MGAT4C: variants seen among roughly 807,000 people sequenced by gnomAD.
The protein encoded by MGAT4C is alpha-1,3-mannosyl-glycoprotein 4-beta-N-acetylglucosaminyltransferase C.
A neutral mutation model predicts 40.1 loss-of-function variants in MGAT4C; 19 were observed. That is an observed-to-expected ratio of 0.47 (90% CI 0.33 to 0.70). The LOEUF (loss-of-function observed/expected upper bound fraction) is 0.70, where lower values mean the gene tolerates loss of function less well. Ranked by LOEUF, MGAT4C falls within the 30% of genes least tolerant of loss-of-function variation. The pLI is 0.02. For missense variants in MGAT4C, 491 were observed against 563.2 expected (o/e 0.87, Z 1.30); for synonymous variants, 181 against 187.1 (o/e 0.97, Z 0.27).
intron 2 of MGAT4C, among the ~76,000 whole-genome samples, chr12:86,608,116 C>A (rs1404138245): frequency 6.6e-6 from 1 of 152,016 alleles, no homozygotes; most frequent in Non-Finnish European, 1.5e-5. Context: ...ATAATACAAA[C>A]TAGTACATAG....
intron 1 of MGAT4C, among the ~76,000 whole-genome samples, chr12:86,155,831 C>T (rs141773198): frequency 5.9e-5 from 9 of 152,176 alleles, no homozygotes; most frequent in African/African-American, 1.9e-4. Flanking sequence ...GGAAAAGAGA[C>T]ACTTGGTGTT....
At chr12:86,619,396 G>C (rs1040296528) in intron 2 of MGAT4C, among the ~76,000 whole-genome samples, 9 of 152,026 alleles carry the variant, frequency 5.9e-5, no homozygotes, top group Non-Finnish European at 1.0e-4. Context: ...TCTCCCTACT[G>C]TGGGTATATC....
chr12:86,117,928 G>A (rs1003518339), intron 1 of MGAT4C, among the ~76,000 whole-genome samples: 2 of 152,160 alleles, frequency 1.3e-5, no homozygotes, highest in Non-Finnish European at 2.9e-5. Context: ...CTAGTGGTAA[G>A]AGAGACGAAT....
chr12:86,765,850 A>C (rs1325853233), intron 1 of MGAT4C, among the ~76,000 whole-genome samples: 1 of 152,338 alleles, frequency 6.6e-6, no homozygotes, highest in East Asian at 1.9e-4. Context: ...CCTGCCCTAA[A>C]AGAGCTCCTG....
chr12:86,071,478 C>CTA (rs1868445432), intron 1 of MGAT4C, among the ~76,000 whole-genome samples: 1 of 152,042 alleles, frequency 6.6e-6, no homozygotes, highest in South Asian at 2.1e-4. Context: ...TTACATCTGG[C>CTA]TATTAACAGG....
chr12:86,020,373 G>T (rs1368197184), intron 2 of MGAT4C, among the ~76,000 whole-genome samples: 2 of 152,006 alleles, frequency 1.3e-5, no homozygotes, highest in African/African-American at 4.8e-5. Flanking sequence ...GCATGGTACT[G>T]GTACCAAAAC....
intron 2 of MGAT4C, chr12:86,013,874 C>T (rs917892366): frequency 8.7e-6 from 5 of 574,910 alleles, no homozygotes; most frequent in Non-Finnish European, 1.1e-5. Flanking sequence ...TTTGTTACAA[C>T]ATTTTTGGTA....
chr12:86,661,892 T>C (rs935116408), intron 2 of MGAT4C, among the ~76,000 whole-genome samples: 12 of 152,160 alleles, frequency 7.9e-5, no homozygotes, highest in African/African-American at 2.2e-4. Context: ...TGAGCCGAGA[T>C]TGTCACTGTG....
At chr12:86,205,965 AT>A (rs1028101462) in intron 1 of MGAT4C, among the ~76,000 whole-genome samples, 8 of 151,678 alleles carry the variant, frequency 5.3e-5, no homozygotes, top group African/African-American at 1.9e-4. Context: ...AAAAAAAAAA[AT>A]TAAGCAATTA....
chr12:86,047,159 T>G (rs1892478261), intron 2 of MGAT4C, among the ~76,000 whole-genome samples: 1 of 152,164 alleles, frequency 6.6e-6, no homozygotes, highest in South Asian at 2.1e-4. Context: ...ACTGCTGCAC[T>G]TTTTTTCTGC....
At chr12:86,238,270 C>A (rs1403714512) in intron 1 of MGAT4C, among the ~76,000 whole-genome samples, 1 of 151,890 alleles carries the variant, frequency 6.6e-6, no homozygotes, top group East Asian at 1.9e-4. Context: ...GTGGAAGATG[C>A]TTTGAGCTCT....
At chr12:86,694,109 C>T (rs1234007687) in intron 2 of MGAT4C, among the ~76,000 whole-genome samples, 1 of 152,100 alleles carries the variant, frequency 6.6e-6, no homozygotes, top group Non-Finnish European at 1.5e-5. Flanking sequence ...TGATAAATTT[C>T]CAAATACATT....
At chr12:86,619,032 C>T (rs1286655141) in intron 2 of MGAT4C, among the ~76,000 whole-genome samples, 4 of 151,700 alleles carry the variant, frequency 2.6e-5, no homozygotes, top group Non-Finnish European at 4.4e-5. Flanking sequence ...CATCTAACAA[C>T]TATTTACATA....
chr12:86,667,406 A>C (rs577419386), intron 2 of MGAT4C, among the ~76,000 whole-genome samples: 1 of 152,314 alleles, frequency 6.6e-6, no homozygotes, highest in South Asian at 2.1e-4. Flanking sequence ...ATGGTCAGAA[A>C]TACAGACCTA....
At chr12:86,821,309 G>GA (rs1482306221) in intron 1 of MGAT4C, among the ~76,000 whole-genome samples, 4 of 150,664 alleles carry the variant, frequency 2.7e-5, no homozygotes, top group Non-Finnish European at 6.0e-5. Flanking sequence ...ATAAGTGAAT[G>GA]AAAAAAATAG....
chr12:86,687,095 T>G (rs936724376), intron 2 of MGAT4C, among the ~76,000 whole-genome samples: 1 of 152,240 alleles, frequency 6.6e-6, no homozygotes, highest in African/African-American at 2.4e-5. Context: ...TCCAGGAATT[T>G]ATCCATTTCT....
At chr12:86,206,665 T>G (rs1950266384) in intron 1 of MGAT4C, among the ~76,000 whole-genome samples, 1 of 152,168 alleles carries the variant, frequency 6.6e-6, no homozygotes, top group African/African-American at 2.4e-5. Context: ...TCACACACTC[T>G]TCTTCCCACA....
intron 1 of MGAT4C, among the ~76,000 whole-genome samples, chr12:86,810,491 G>A (rs1566005872): frequency 6.6e-6 from 1 of 151,764 alleles, no homozygotes; most frequent in Non-Finnish European, 1.5e-5. Context: ...TATTTTTCAA[G>A]TTGAGGTAAT....
intron 1 of MGAT4C, among the ~76,000 whole-genome samples, chr12:86,774,283 C>CTTTCTTTCTTTCTTTCTTTCTTTCTTTCT (rs1951694603): frequency 5.9e-5 from 1 of 16,934 alleles, no homozygotes; most frequent in South Asian, 3.4e-3. Flanking sequence ...AAGGCTTGCT[C>CTTTCTTTCTTTCTTTCTTTCTTTCTTTCT]TTTCTTTCTT....
Sources: gnomAD v4.1 joint callset for allele counts (sites outside exome capture counted in the v4.1 genomes callset) on GRCh38, gnomAD v4.1.1 for gene constraint, MANE v1.5 for transcripts, NCBI Gene and HGNC (gene_info 2026-07-23, HGNC 2026-07-21) for gene names.